The following GRXCR1 variants were observed in gnomAD, a reference collection of about 807,000 sequenced individuals.
GRXCR1 encodes glutaredoxin and cysteine rich domain containing 1, also known as glutaredoxin domain-containing cysteine-rich protein 1.
GRXCR1 carries 27 observed loss-of-function variants against 27.3 expected under a neutral mutation model. The observed-to-expected ratio is 0.99, with a 90% CI of 0.73 to 1.37. The LOEUF is 1.37. Ranked by LOEUF, GRXCR1 falls within the 40% of genes most tolerant of loss-of-function variation. GRXCR1 has a pLI of 0.00. For synonymous variants in GRXCR1, 122 were observed against 131.1 expected (o/e 0.93, Z 0.47); for missense variants, 379 against 354.4 (o/e 1.07, Z -0.56).
At chr4:42,941,016 T>C (rs1407345908) in intron 1 of GRXCR1, among the ~76,000 whole-genome samples, 1 of 152,048 alleles carries the variant, frequency 6.6e-6, no homozygotes, top group Non-Finnish European at 1.5e-5. Context: ...TTGTATGGTG[T>C]AGAATAATAT....
rs530072254 is a variant in GRXCR1 at position 43,004,514 on chromosome 4, C to T, written c.628-15840C>T. On this transcript the variant is annotated intron_variant, in intron 2 of 3. Coordinates refer to ENST00000399770, the MANE Select transcript of GRXCR1 (RefSeq NM_001080476.3). ...ACCTGGAAAAACCACAGGCACTCAA[C>T]GACAGCCCATGAAATCATCTGTGGG... Among the ~76,000 whole-genome samples the T allele has an allele frequency of 3.1e-3, 466 of 152,338 alleles. 1 individual carries two copies. The highest frequency in any genetic ancestry group is 5.2e-3 in the Non-Finnish European group (352 of 68,032).
At chr4:42,904,769 A>C (rs1273880989) in intron 1 of GRXCR1, among the ~76,000 whole-genome samples, 1 of 152,116 alleles carries the variant, frequency 6.6e-6, no homozygotes, top group Non-Finnish European at 1.5e-5. Context: ...CTAGTCATTG[A>C]GGGTGCAAAG....
intron 1 of GRXCR1, among the ~76,000 whole-genome samples, chr4:42,914,551 A>T (rs932091867): frequency 6.6e-6 from 1 of 152,198 alleles, no homozygotes; most frequent in Non-Finnish European, 1.5e-5. Context: ...TTACAGGCTC[A>T]TAGGTGAAAG....
intron 1 of GRXCR1, among the ~76,000 whole-genome samples, chr4:42,940,704 T>TA (rs1259000095): frequency 6.6e-6 from 1 of 152,086 alleles, no homozygotes; most frequent in Admixed American, 6.6e-5. Context: ...ATGGCATTGA[T>TA]AAAATCTTTT....
At position 43,024,136 on chromosome 4, in the gene GRXCR1, T is replaced by A. The variant is rs1713179713; in HGVS notation, c.693+3717T>A. On this transcript the variant is annotated intron_variant, in intron 3 of 3. Transcript: ENST00000399770. ...TTGCCTTGTTATTTTTTTGAAGATA[T>A]GAGTAAATAGTTTTGTTGCCATTTG... Among the ~76,000 whole-genome samples the A allele has an allele frequency of 3.3e-5, 5 of 150,738 alleles. No individual in the cohort carries two copies. The South Asian group carries it at 1.0e-3, about 32-fold the overall frequency.
chr4:42,984,768 G>T (rs1711647795), intron 2 of GRXCR1, among the ~76,000 whole-genome samples: 1 of 152,208 alleles, frequency 6.6e-6, no homozygotes, highest in Non-Finnish European at 1.5e-5. Flanking sequence ...CTGTTGATGA[G>T]AGTTGTCCAG....
At chr4:42,943,129 A>T (rs1380606758) in intron 1 of GRXCR1, among the ~76,000 whole-genome samples, 2 of 152,106 alleles carry the variant, frequency 1.3e-5, no homozygotes, top group African/African-American at 4.8e-5. Context: ...GAACTAGGAC[A>T]AATTGTTTTA....
chr4:43,028,967 G>A (rs1409178165), intron 3 of GRXCR1, among the ~76,000 whole-genome samples: 1 of 152,152 alleles, frequency 6.6e-6, no homozygotes, highest in Non-Finnish European at 1.5e-5. Context: ...TATGAGTTTA[G>A]CCATCTTGAT....
At chr4:42,967,892 T>C (rs1428612062) in intron 2 of GRXCR1, among the ~76,000 whole-genome samples, 7 of 152,138 alleles carry the variant, frequency 4.6e-5, no homozygotes, top group African/African-American at 1.4e-4. Flanking sequence ...CTTTACTCAA[T>C]GCCCCATGAA....
At chr4:43,017,914 G>A (rs1229270225) in intron 2 of GRXCR1, among the ~76,000 whole-genome samples, 1 of 152,172 alleles carries the variant, frequency 6.6e-6, no homozygotes, top group African/African-American at 2.4e-5. Context: ...TTTGGAATAT[G>A]CAAATGCAGG....
At position 42,963,143 on chromosome 4, in the gene GRXCR1, G is replaced by A. The variant is rs1748165906; in HGVS notation, c.627+9G>A. 4 of 1,611,914 alleles carry A rather than the reference G, an allele frequency of 2.5e-6. No homozygotes were observed. Among genetic ancestry groups the A allele is most frequent in the Non-Finnish European group, 3.4e-6 (4 of 1,178,472 alleles). Reference sequence around the variant, plus strand: ...ATGGCCATTACCTTGGGGTAAGTAAGCTGCCCAGGAAAGTCTTTTTCATAG... The same window carrying A: ...ATGGCCATTACCTTGGGGTAAGTAAACTGCCCAGGAAAGTCTTTTTCATAG... On this transcript the variant is annotated intron_variant, in intron 2 of 3. Transcript: ENST00000399770.
chr4:42,965,549 T>C (rs950442220), intron 2 of GRXCR1, among the ~76,000 whole-genome samples: 1 of 152,038 alleles, frequency 6.6e-6, no homozygotes, highest in South Asian at 2.1e-4. Flanking sequence ...CTCTGCTGGG[T>C]TGGACACCTG....
rs747636819 is a variant in GRXCR1, at chr4:43,020,310, A to T, written c.628-44A>T. On this transcript the variant is annotated intron_variant, in intron 2 of 3. Coordinates refer to ENST00000399770, the MANE Select transcript of GRXCR1 (RefSeq NM_001080476.3). The stretch of plus-strand genomic sequence containing the variant: ...TTGTTAGAACTTTATTTTCTCAAAT[A>T]CTAACAAAAATGGATTTTTCTCCCT... 15 of 1,240,252 alleles carry T rather than the reference A, an allele frequency of 1.2e-5. No individual in the cohort carries two copies. The Admixed American group carries it at 2.4e-4, about 19-fold the overall frequency. 76.8% of individuals were successfully genotyped at this position (1,240,252 alleles called of 1,614,324 possible).
intron 1 of GRXCR1, among the ~76,000 whole-genome samples, chr4:42,938,219 C>T (rs1317066034): frequency 1.3e-5 from 2 of 151,976 alleles, no homozygotes; most frequent in African/African-American, 2.4e-5. Context: ...AACAAAATGT[C>T]TTCCAGTTCC....
chr4:42,916,316 A>G (rs1376954400), intron 1 of GRXCR1, among the ~76,000 whole-genome samples: 3 of 152,106 alleles, frequency 2.0e-5, no homozygotes, highest in African/African-American at 7.2e-5. Flanking sequence ...GTTAAAGGGA[A>G]GTTTTCAGGC....
intron 2 of GRXCR1, among the ~76,000 whole-genome samples, chr4:43,011,575 G>T (rs143817360): frequency 4.0e-5 from 6 of 151,888 alleles, no homozygotes; most frequent in Admixed American, 2.0e-4. Context: ...GTTTAACCTT[G>T]TTCACACTTC....
chr4:42,980,971 G>T lies in GRXCR1; in HGVS notation c.627+17837G>T, dbSNP rs866097334. On this transcript the variant is annotated intron_variant, in intron 2 of 3. Transcript: ENST00000399770. Reference sequence around the variant, plus strand: ...CTTGTTTTTTTTGTGTTTTTTTTTTGTATCCATTCAGCTACTGTATCTTTT... The same window carrying T: ...CTTGTTTTTTTTGTGTTTTTTTTTTTTATCCATTCAGCTACTGTATCTTTT... Among the ~76,000 whole-genome samples the T allele has an allele frequency of 4.1e-3, 573 of 138,936 alleles. 2 individuals are homozygous for T. Among genetic ancestry groups the T allele is most frequent in the African/African-American group, 0.015 (538 of 36,858 alleles). The allele number at this position is 138,936 out of a possible 152,430, so 91.1% of individuals were successfully genotyped here.
chr4:42,972,782 G>T (rs1748420027), intron 2 of GRXCR1, among the ~76,000 whole-genome samples: 1 of 152,118 alleles, frequency 6.6e-6, no homozygotes, highest in African/African-American at 2.4e-5. Context: ...ATTTAGGTGT[G>T]TCTGGCTATT....
At position 42,997,008 on chromosome 4, in the gene GRXCR1, A is replaced by G. The variant is rs146453933; in HGVS notation, c.628-23346A>G. Among the ~76,000 whole-genome samples, 288 of 152,066 alleles carry G rather than the reference A, an allele frequency of 1.9e-3. 2 individuals carry two copies. The highest frequency in any genetic ancestry group is 6.7e-3 in the African/African-American group (277 of 41,510). The stretch of plus-strand genomic sequence containing the variant: ...CTTCTGTTCCTTTTCCTTAATTCCC[A>G]CTATATCAGTTCAGTCTCTTATGTT... On this transcript the variant is annotated intron_variant, in intron 2 of 3. Transcript: ENST00000399770.
Sources: gnomAD v4.1 joint callset for allele counts (sites outside exome capture counted in the v4.1 genomes callset) on GRCh38, gnomAD v4.1.1 for gene constraint, MANE v1.5 for transcripts, NCBI Gene and HGNC (gene_info 2026-07-23, HGNC 2026-07-21) for gene names.